LOXL3: variants seen among roughly 807,000 people sequenced by gnomAD.
LOXL3 encodes lysyl oxidase like 3, also known as lysyl oxidase homolog 3.
A neutral mutation model predicts 91.8 loss-of-function variants in LOXL3; 60 were observed. The observed-to-expected ratio is 0.65, with a 90% CI of 0.53 to 0.81. LOXL3 has a LOEUF of 0.81. Ranked by LOEUF, LOXL3 falls within the 30% of genes least tolerant of loss-of-function variation. The probability of loss-of-function intolerance (pLI) is 0.00; values close to 1 mark genes in which losing one functional copy is unlikely to be tolerated. For missense variants in LOXL3, 874 were observed against 1,000.4 expected, an observed-to-expected ratio of 0.87 and a Z score of 1.70; for synonymous variants, 355 against 387.6, an observed-to-expected ratio of 0.92 and a Z score of 0.99.
Position 74,549,530 on chromosome 2 carries a change from C to T in LOXL3, c.531G>A (p.Trp177Ter). Residue 177 changes from tryptophan to a stop codon, truncating the protein, a stop_gained, in exon 4 of 14, where the codon TGG (tryptophan) becomes TGA (stop). Coordinates refer to ENST00000264094, the MANE Select transcript of LOXL3 (RefSeq NM_032603.5). LOFTEE classifies it high-confidence loss of function. This position sits in a 1 kb window ranked among gnomAD's most constrained non-coding sequence, Gnocchi z 5.3. ...EEVRIRPAVG[W>*]GRRPLPVTEG... is the part of the protein sequence containing the mutation. ...CCGTCACGGGCAGGGGTCGTCTGCC[C>T]CACCCAACGGCGGGTCGAATTCGCA... 1 of 1,613,104 alleles carries T rather than the reference C, an allele frequency of 6.2e-7. No individual in the cohort carries two copies. Among genetic ancestry groups the T allele is most frequent in the Non-Finnish European group, 8.5e-7 (1 of 1,179,356 alleles).
At position 74,535,757 on chromosome 2, in the gene LOXL3, T is replaced by G. The variant is rs1675980610; in HGVS notation, c.1249-2A>C. On this transcript the variant is annotated splice_acceptor_variant, in intron 7 of 13. Transcript: ENST00000264094. LOFTEE classifies it high-confidence loss of function. This position sits in a 1 kb window ranked among gnomAD's most constrained non-coding sequence, Gnocchi z 4.2. ...GCTGCGGCCCCCACTGAGTCGGATC[T>G]GTAGTGACACAGAATGGAAGCGCTG... is the stretch of plus-strand genomic sequence containing the variant. 6.4e-7 allele frequency: 1 copy of G among 1,558,700 alleles called. No homozygotes were observed. The highest frequency in any genetic ancestry group is 1.4e-5 in the African/African-American group (1 of 72,328).
intron 2 of LOXL3, 96 bp downstream of exon 2, chr2:74,552,226 C>A: frequency 8.9e-7 from 1 of 1,123,348 alleles, no homozygotes; most frequent in African/African-American, 1.5e-5. Context: ...TTCTTGGTGT[C>A]GTGTGTCCCT....
Position 74,532,384 on chromosome 2 carries a change from A to G in LOXL3, c.*1222T>C. ...TCTCTTAGTATTCTAGAATGACATT[A>G]GTGCTATTGATTTAACACTGTTTGT... is the stretch of plus-strand genomic sequence containing the variant. On this transcript the variant is annotated 3_prime_UTR_variant, in exon 14 of 14. Coordinates refer to ENST00000264094, the MANE Select transcript of LOXL3 (RefSeq NM_032603.5). The G allele has an allele frequency of 1.8e-6, 1 of 557,358 alleles. No individual in the cohort carries two copies. Among genetic ancestry groups the G allele is most frequent in the Non-Finnish European group, 3.3e-6 (1 of 304,914 alleles). The allele number at this position is 557,358 out of a possible 1,614,324, so 34.5% of individuals were successfully genotyped here.
rs1011907378 is a variant in LOXL3 at position 74,533,410 on chromosome 2, C to T, written c.*196G>A. On this transcript the variant is annotated 3_prime_UTR_variant, in exon 14 of 14. Coordinates refer to ENST00000264094, the MANE Select transcript of LOXL3 (RefSeq NM_032603.5). Reference sequence around the variant, plus strand: ...GGTGCTGGGCCTGGGAGCAAAGATTCCCATGCTTGGCTACAGATACTGACA... The same window carrying T: ...GGTGCTGGGCCTGGGAGCAAAGATTTCCATGCTTGGCTACAGATACTGACA... The T allele has an allele frequency of 1.2e-5, 7 of 587,348 alleles. No individual in the cohort carries two copies. The highest frequency in any genetic ancestry group is 2.1e-5 in the Non-Finnish European group (7 of 329,570). The allele number at this position is 587,348 out of a possible 1,614,324, so 36.4% of individuals were successfully genotyped here.
At position 74,532,563 on chromosome 2, in the gene LOXL3, C is replaced by T. The variant is rs1018943567; in HGVS notation, c.*1043G>A. The T allele has an allele frequency of 1.0e-5, 14 of 1,395,866 alleles. No homozygotes were observed. The Admixed American group carries it at 2.4e-4, about 24-fold the overall frequency. The allele number at this position is 1,395,866 out of a possible 1,614,324, so 86.5% of individuals were successfully genotyped here. ...TGTTGATGAGAGACTTGAGGTGGAA[C>T]TCAGGATGGGGAGAATGCCTGGGTT... On this transcript the variant is annotated 3_prime_UTR_variant, in exon 14 of 14. Transcript: ENST00000264094.
At chr2:74,541,496 A>G (rs1328115648) in intron 4 of LOXL3, among the ~76,000 whole-genome samples, 1 of 152,268 alleles carries the variant, frequency 6.6e-6, no homozygotes, top group Non-Finnish European at 1.5e-5. Context: ...GGCAAAGAAT[A>G]TACAACTCTC....
chr2:74,550,480 G>T, intron 2 of LOXL3, 132 bp from the exon 3 acceptor site: 1 of 944,468 alleles, frequency 1.1e-6, no homozygotes, highest in East Asian at 2.5e-5. Context: ...GTATGATAAG[G>T]GGTGGAGACG....
In LOXL3 at chr2:74,537,203, G is replaced by A. The variant is rs533563350; in HGVS notation, c.693-275C>T. Among the ~76,000 whole-genome samples the A allele has an allele frequency of 3.9e-5, 6 of 152,314 alleles. No individual in the cohort carries two copies. The East Asian group carries it at 9.7e-4, about 25-fold the overall frequency. Reference sequence around the variant, plus strand: ...AAGGATGGCTAGTCTCGACTTGCCTGGAAGAAACTGTTCCAAGTGGTTTCA... The same window carrying A: ...AAGGATGGCTAGTCTCGACTTGCCTAGAAGAAACTGTTCCAAGTGGTTTCA... On this transcript the variant is annotated intron_variant, in intron 4 of 13. Transcript: ENST00000264094.
chr2:74,546,814 T>G (rs1262564173), intron 4 of LOXL3, among the ~76,000 whole-genome samples: 1 of 152,130 alleles, frequency 6.6e-6, no homozygotes, highest in Non-Finnish European at 1.5e-5. Flanking sequence ...CCTCCCGGGT[T>G]CAAGCCATTC....
chr2:74,547,167 T>C (rs1229567717), intron 4 of LOXL3, among the ~76,000 whole-genome samples: 1 of 152,052 alleles, frequency 6.6e-6, no homozygotes, highest in Non-Finnish European at 1.5e-5. Context: ...CGCACCACCA[T>C]GTTCAGCTAA....
In LOXL3 at chr2:74,536,640, A is replaced by T; in HGVS notation, c.912+69T>A. 6.5e-7 allele frequency: 1 copy of T among 1,544,342 alleles called. No homozygotes were observed. Among genetic ancestry groups the T allele is most frequent in the East Asian group, 2.2e-5 (1 of 44,456 alleles). ...GTCCTCAAAGGTCAGGGCTGTGCTT[A>T]GTCTGGGGTTGCCAGGCTAGGGGTT... On this transcript the variant is annotated intron_variant, in intron 5 of 13. Coordinates refer to ENST00000264094, the MANE Select transcript of LOXL3 (RefSeq NM_032603.5). The surrounding 1 kb of genome is among the most constrained non-coding windows in gnomAD (Gnocchi z 4.5).
intron 4 of LOXL3, among the ~76,000 whole-genome samples, chr2:74,540,219 G>A (rs757004478): frequency 1.3e-5 from 2 of 152,126 alleles, no homozygotes; most frequent in Non-Finnish European, 2.9e-5. Context: ...TGAAGGCCGT[G>A]GACTCAGGAC....
chr2:74,555,269 G>T, upstream of LOXL3: 1 of 1,614,060 alleles, frequency 6.2e-7, no homozygotes, highest in Non-Finnish European at 8.5e-7. The surrounding 1 kb of genome is among the most constrained non-coding windows in gnomAD (Gnocchi z 6.1). Context: ...AGCTCGCGCC[G>T]CCTGGACTGC....
chr2:74,552,955 G>A (rs1677117065), intron 1 of LOXL3: 1 of 320,506 alleles, frequency 3.1e-6, no homozygotes, highest in Admixed American at 4.6e-5. Context: ...CGTAGAGAGA[G>A]AGGAAGACCC....
upstream of LOXL3, chr2:74,553,943 C>CA (rs113018584): frequency 0.034 from 4,462 of 130,904 alleles, 190 homozygotes; most frequent in African/African-American, 0.098. Flanking sequence ...CTAGGACTTC[C>CA]AAAAAAAAAA....
rs2104390668 is a variant in LOXL3, at chr2:74,534,660, G to T, written c.1694C>A (p.Ala565Asp). Residue 565 changes from alanine (A) to aspartate (D), a missense_variant, in exon 10 of 14, where the codon GCC becomes GAC. Transcript: ENST00000264094. The part of the protein sequence containing the change: ...AAEENCLASS[A>D]RSANWPYGHR... ...ACCATAGGGCCAGTTGGCTGAGCGG[G>T]CTGAGCTGGCCAGGCAGTTCTCTTC... The T allele has an allele frequency of 6.2e-7, 1 of 1,614,240 alleles. No homozygotes were observed. The highest frequency in any genetic ancestry group is 8.5e-7 in the Non-Finnish European group (1 of 1,180,052).
rs1676842924 is a variant in LOXL3, at chr2:74,549,399, C to T, written c.662G>A (p.Ser221Asn). 1 of 1,610,770 alleles carries T rather than the reference C, an allele frequency of 6.2e-7. No individual in the cohort carries two copies. The highest frequency in any genetic ancestry group is 8.5e-7 in the Non-Finnish European group (1 of 1,178,218). ...HVVCGMLGFP[S>N]EKRVNAAFYR... ...GAAGGCCGCGTTGACCCTCTTTTCG[C>T]TGGGGAAGCCCAGCATCCCGCAGAC... Residue 221 changes from serine to asparagine, a missense_variant, in exon 4 of 14, where the codon AGC becomes AAC. Physicochemically the swap from Ser to Asn is conservative, Grantham distance 46. Transcript: ENST00000264094. This position sits in a 1 kb window ranked among gnomAD's most constrained non-coding sequence, Gnocchi z 5.3.
At chr2:74,543,921 A>T (rs984426695) in intron 4 of LOXL3, among the ~76,000 whole-genome samples, 3 of 150,414 alleles carry the variant, frequency 2.0e-5, no homozygotes, top group Non-Finnish European at 3.0e-5. Flanking sequence ...AAAAAAAAAA[A>T]AAGAAAAGAA....
rs913232767 is a variant in LOXL3, at chr2:74,536,162, T to C, written c.1094-12A>G. The C allele has an allele frequency of 1.2e-6, 2 of 1,613,256 alleles. No homozygotes were observed. Among genetic ancestry groups the C allele is most frequent in the Non-Finnish European group, 1.7e-6 (2 of 1,180,018 alleles). On this transcript the variant is annotated splice_polypyrimidine_tract_variant and intron_variant, in intron 6 of 13. Transcript: ENST00000264094. This position sits in a 1 kb window ranked among gnomAD's most constrained non-coding sequence, Gnocchi z 4.5. ...GATAGCACCCATGCCTAGGGCCAGATGGCAAAGATCAGGAAGTTGTAATTA... is the reference window on the plus strand; with the variant it reads ...GATAGCACCCATGCCTAGGGCCAGACGGCAAAGATCAGGAAGTTGTAATTA...
Sources: allele counts gnomAD v4.1 joint callset (sites outside exome capture counted in the v4.1 genomes callset), GRCh38; gene constraint gnomAD v4.1.1; non-coding constraint Gnocchi (gnomAD v3.1); transcripts MANE v1.5; gene names NCBI Gene and HGNC (gene_info 2026-07-23, HGNC 2026-07-21).